Variants in RABGAP1L observed in about 807,000 individuals in gnomAD.
RABGAP1L encodes the protein rab GTPase-activating protein 1-like.
Under a neutral mutation model 137.7 loss-of-function variants are expected in RABGAP1L, and 63 were observed. The observed-to-expected ratio is 0.46, with a 90% confidence interval of 0.37 to 0.56. RABGAP1L has a LOEUF of 0.56. Ranked by LOEUF, RABGAP1L falls within the 20% of genes least tolerant of loss-of-function variation. The pLI is 0.00. For synonymous variants in RABGAP1L, 431 were observed against 433.7 expected (o/e 0.99, Z 0.08); for missense variants, 1,095 against 1,244.0 (o/e 0.88, Z 1.80).
chr1:174,935,088 T>C (rs1475337219), intron 19 of RABGAP1L: 1 of 152,332 alleles, frequency 6.6e-6, no homozygotes, highest in Non-Finnish European at 1.5e-5. Flanking sequence ...GTGTCCTGTA[T>C]CCTTTAGCTT....
chr1:174,322,069 G>T (rs1475115501), intron 11 of RABGAP1L, among the ~76,000 whole-genome samples: 1 of 152,048 alleles, frequency 6.6e-6, no homozygotes, highest in Admixed American at 6.6e-5. Flanking sequence ...CTTTTGAAGA[G>T]TAAAAGTTTA....
chr1:174,803,440 C>T (rs1374410875), intron 18 of RABGAP1L, among the ~76,000 whole-genome samples: 2 of 152,182 alleles, frequency 1.3e-5, no homozygotes, highest in African/African-American at 4.8e-5. Context: ...TGCAAACATC[C>T]TAGACATCAG....
rs533753156 is a variant in RABGAP1L, at chr1:174,355,788, A to G, written c.1466-15191A>G. Among the ~76,000 whole-genome samples the G allele has an allele frequency of 4.6e-5, 7 of 152,256 alleles. No homozygotes were observed. The East Asian group carries it at 1.2e-3, about 25-fold the overall frequency. Reference sequence around the variant, plus strand: ...AACTGCAGGGATTTTTTAATTAAAAACTTGTTATTAGATTCAGAATGACAG... The same window carrying G: ...AACTGCAGGGATTTTTTAATTAAAAGCTTGTTATTAGATTCAGAATGACAG... On this transcript the variant is annotated intron_variant, in intron 11 of 25. Coordinates refer to ENST00000681986, the MANE Select transcript of RABGAP1L (RefSeq NM_001366446.1).
chr1:174,637,615 C>G, intron 14 of RABGAP1L, 127 bp downstream of exon 14: 1 of 690,124 alleles, frequency 1.4e-6, no homozygotes, highest in East Asian at 2.8e-5. Flanking sequence ...GCTTTGCACA[C>G]ACGCTATGAG....
chr1:174,666,592 T>C (rs1676803145), intron 14 of RABGAP1L, among the ~76,000 whole-genome samples: 1 of 152,216 alleles, frequency 6.6e-6, no homozygotes, highest in South Asian at 2.1e-4. Context: ...CACTCTCACA[T>C]GGCAGCCTCT....
chr1:174,308,185 T>C (rs1314048967), intron 11 of RABGAP1L, among the ~76,000 whole-genome samples: 2 of 152,014 alleles, frequency 1.3e-5, no homozygotes, highest in Non-Finnish European at 2.9e-5. Flanking sequence ...TTGTGCAAAA[T>C]TCACATATAT....
chr1:174,334,824 GT>G (rs1398337029), intron 11 of RABGAP1L, among the ~76,000 whole-genome samples: 5 of 152,120 alleles, frequency 3.3e-5, no homozygotes, highest in African/African-American at 1.2e-4. Flanking sequence ...GTCAATGAAT[GT>G]TTTTCTTTTA....
chr1:174,789,300 C>G lies in RABGAP1L; in HGVS notation c.2212-22532C>G, dbSNP rs140804258. Among the ~76,000 whole-genome samples, 1,459 of 152,176 alleles carry G rather than the reference C, an allele frequency of 9.6e-3. 7 individuals are homozygous for G. The highest frequency in any genetic ancestry group is 0.015 in the Non-Finnish European group (1,051 of 68,008). Reference sequence around the variant, plus strand: ...TAATCATGGCATTCTTAAGGAATCACTGCAATTAACCAGGTAGACCAATTT... The same window carrying G: ...TAATCATGGCATTCTTAAGGAATCAGTGCAATTAACCAGGTAGACCAATTT... On this transcript the variant is annotated intron_variant, in intron 18 of 25. Coordinates refer to ENST00000681986, the MANE Select transcript of RABGAP1L (RefSeq NM_001366446.1).
rs549477266 is a variant in RABGAP1L, at chr1:174,550,999, C to CATATATATATAT, written c.1711-86364_1711-86353dup. ...GTATATATACATATATATATATACA[C>CATATATATATAT]ATATATATATATATATATATATACA... On this transcript the variant is annotated intron_variant, in intron 13 of 25. Transcript: ENST00000681986. Among the ~76,000 whole-genome samples, 247 of 86,312 alleles carry CATATATATATAT rather than the reference C, an allele frequency of 2.9e-3. 11 individuals are homozygous for CATATATATATAT. Among genetic ancestry groups the CATATATATATAT allele is most frequent in the African/African-American group, 0.019 (227 of 12,030 alleles). The allele number at this position is 86,312 out of a possible 152,430, so 56.6% of individuals were successfully genotyped here. A position where few individuals can be genotyped will look rare whatever the true frequency, so the allele number is the denominator to read the frequency against.
chr1:174,473,505 AGTGTTTTCCTTTCCT>A (rs1658168834), intron 13 of RABGAP1L, among the ~76,000 whole-genome samples: 1 of 152,184 alleles, frequency 6.6e-6, no homozygotes, highest in African/African-American at 2.4e-5. Flanking sequence ...ATGCCCTGAC[AGTGTTTTCCTTTCCT>A]GTACCACGTG....
chr1:174,865,497 A>C (rs1050674325), intron 19 of RABGAP1L, among the ~76,000 whole-genome samples: 2 of 152,232 alleles, frequency 1.3e-5, no homozygotes, highest in Admixed American at 1.3e-4. Flanking sequence ...GGGCAAATTT[A>C]TAGCATATTT....
Position 174,438,744 on chromosome 1 carries a change from GTATA to G in RABGAP1L, c.1710+44629_1710+44632del, listed in dbSNP as rs71117563. The stretch of plus-strand genomic sequence containing the variant: ...AAAAACCCAAAAAAAGTGTGTGTGT[GTATA>G]TATATATATATATATATATATATAT... On this transcript the variant is annotated intron_variant, in intron 13 of 25. Coordinates refer to ENST00000681986, the MANE Select transcript of RABGAP1L (RefSeq NM_001366446.1). 5.8e-3 allele frequency among the ~76,000 whole-genome samples: 557 copies of G among 95,430 alleles called. 20 individuals carry two copies. Among genetic ancestry groups the G allele is most frequent in the African/African-American group, 0.024 (500 of 21,052 alleles). 62.6% of individuals were successfully genotyped at this position (95,430 alleles called of 152,430 possible).
At chr1:174,463,253 G>T (rs190337948) in intron 13 of RABGAP1L, among the ~76,000 whole-genome samples, 7,833 of 151,840 alleles carry the variant, frequency 0.052, 645 homozygotes, top group African/African-American at 0.18. Flanking sequence ...CAAAGACTTG[G>T]AACTAACCCA....
intron 25 of RABGAP1L, among the ~76,000 whole-genome samples, 185 bp downstream of exon 25, chr1:174,989,023 TAA>T (rs1045272211): frequency 2.0e-5 from 3 of 152,218 alleles, no homozygotes; most frequent in Admixed American, 2.0e-4. Context: ...AACAAATATA[TAA>T]TTTTAAATGA....
At chr1:174,237,184 TC>T (rs1454547205) in intron 4 of RABGAP1L, among the ~76,000 whole-genome samples, 1 of 151,110 alleles carries the variant, frequency 6.6e-6, no homozygotes, top group Admixed American at 6.6e-5. Flanking sequence ...GAGATGGGTT[TC>T]CTGAATACAG....
intron 19 of RABGAP1L, among the ~76,000 whole-genome samples, chr1:174,938,147 A>T (rs1458049178): frequency 6.6e-6 from 1 of 152,172 alleles, no homozygotes; most frequent in East Asian, 1.9e-4. Context: ...AGCAAATTCC[A>T]GCCTGTCCTT....
chr1:174,767,385 T>C (rs1291487617), intron 18 of RABGAP1L, among the ~76,000 whole-genome samples: 1 of 152,262 alleles, frequency 6.6e-6, no homozygotes, highest in African/African-American at 2.4e-5. Context: ...TTTGTGGTTT[T>C]TAGCATACAA....
intron 19 of RABGAP1L, among the ~76,000 whole-genome samples, chr1:174,821,180 A>AT (rs765117168): frequency 5.3e-5 from 8 of 152,120 alleles, no homozygotes; most frequent in Non-Finnish European, 1.0e-4. Context: ...TGATCACATG[A>AT]TTAAGAGTTG....
chr1:174,188,120 G>C (rs997550611), intron 1 of RABGAP1L, among the ~76,000 whole-genome samples: 6 of 152,134 alleles, frequency 3.9e-5, no homozygotes, highest in Non-Finnish European at 7.4e-5. Flanking sequence ...TAAGTGTTTA[G>C]TGTTTGTCTT....
Sources: allele counts gnomAD v4.1 joint callset (sites outside exome capture counted in the v4.1 genomes callset), GRCh38; gene constraint gnomAD v4.1.1; transcripts MANE v1.5; gene names NCBI Gene and HGNC (gene_info 2026-07-23, HGNC 2026-07-21).